Variants in ELMO2 observed in about 807,000 individuals in gnomAD.
The protein encoded by ELMO2 is engulfment and cell motility 2.
In ELMO2, 37 loss-of-function variants were observed where a neutral mutation model predicts 96.2. The ratio of observed to expected loss-of-function variants is 0.38; its 90% CI spans 0.30 to 0.51. ELMO2 has a LOEUF of 0.51. Ranked by LOEUF, ELMO2 falls within the 20% of genes least tolerant of loss-of-function variation. The pLI, the probability that ELMO2 is intolerant of heterozygous loss-of-function variation, is 0.88. For synonymous variants in ELMO2, 315 were observed against 329.4 expected, an observed-to-expected ratio of 0.96 and a Z score of 0.47; for missense variants, 561 against 912.6, an observed-to-expected ratio of 0.61 and a Z score of 4.96.
At chr20:46,393,450 G>A (rs1281506525) in intron 5 of ELMO2, 79 bp downstream of exon 5, 1 of 1,464,070 alleles carries the variant, frequency 6.8e-7, no homozygotes, top group East Asian at 2.3e-5. Context: ...GATGCTGAGT[G>A]AAGATAAATA....
Position 46,383,455 on chromosome 20 carries a change from A to C in ELMO2, c.717T>G (p.Ile239Met), listed in dbSNP as rs2059991519. 3 of 1,614,008 alleles carry C rather than the reference A, an allele frequency of 1.9e-6. No individual in the cohort carries two copies. The highest frequency in any genetic ancestry group is 1.7e-6 in the Non-Finnish European group (2 of 1,180,008). ...QEIQTYAIAL[I>M]NALFLKAPED... ...CAGGAGCCTTCAGAAAAAGTGCATT[A>C]ATCAGTGCAATGGCGTAGGTCTGAA... Residue 239 changes from isoleucine (I) to methionine (M), a missense_variant, in exon 10 of 22, where the codon ATT becomes ATG. Ile to Met is a conservative substitution (Grantham distance 10). Transcript: ENST00000290246.
At position 46,374,539 on chromosome 20, in the gene ELMO2, G is replaced by C. The variant is rs750012831; in HGVS notation, c.1167C>G (p.Ile389Met). Reference protein sequence around the residue: ...YLAKVHQDTYIRIVLENSSRE... With the variant: ...YLAKVHQDTYMRIVLENSSRE... ...AGGCCAGCTCCCCTGCCTTTACCCG[G>C]ATGTAGGTGTCCTGGTGGACTTTAG... The change falls in exon 14 of 22, where the codon ATC becomes ATG. Residue 389 changes from isoleucine to methionine, a missense_variant. Coordinates refer to ENST00000290246, the MANE Select transcript of ELMO2 (RefSeq NM_133171.5). 6.2e-7 allele frequency: 1 copy of C among 1,614,168 alleles called. No individual in the cohort carries two copies. The highest frequency in any genetic ancestry group is 1.1e-5 in the South Asian group (1 of 91,080).
intron 6 of ELMO2, among the ~76,000 whole-genome samples, chr20:46,389,730 T>A (rs1382375814): frequency 6.6e-6 from 1 of 152,054 alleles, no homozygotes; most frequent in Non-Finnish European, 1.5e-5. Flanking sequence ...ACACCTGTAG[T>A]CCTAGCTACT....
At position 46,366,314 on chromosome 20, in the gene ELMO2, T is replaced by C. The variant is rs1222815914; in HGVS notation, c.*1046A>G. 6.5e-6 allele frequency: 1 copy of C among 152,678 alleles called. No homozygotes were observed. Among genetic ancestry groups the C allele is most frequent in the East Asian group, 1.9e-4 (1 of 5,206 alleles). 9.5% of individuals were successfully genotyped at this position (152,678 alleles called of 1,614,324 possible). On this transcript the variant is annotated 3_prime_UTR_variant, in exon 22 of 22. Transcript: ENST00000290246. The stretch of plus-strand genomic sequence containing the variant: ...ACCTACCATGCCAGGCCACCAATAC[T>C]GAATGCCAATGTGCTAACGTATGTC...
chr20:46,371,291 A>G lies in ELMO2; in HGVS notation c.1801+61T>C. 1 of 1,518,964 alleles carries G rather than the reference A, an allele frequency of 6.6e-7. No homozygotes were observed. The highest frequency in any genetic ancestry group is 1.1e-5 in the South Asian group (1 of 87,682). 94.1% of individuals were successfully genotyped at this position (1,518,964 alleles called of 1,614,324 possible). ...ATGATCAGCTACAAACAGCTGGACTAGAACTCCTGTCTCCTGACAAGTCCA... is the reference window on the plus strand; with the variant it reads ...ATGATCAGCTACAAACAGCTGGACTGGAACTCCTGTCTCCTGACAAGTCCA... On this transcript the variant is annotated intron_variant, in intron 19 of 21. Transcript: ENST00000290246. The surrounding 1 kb of genome is among the most constrained non-coding windows in gnomAD (Gnocchi z 5.9).
At chr20:46,394,249 C>A (rs1247562040) in intron 3 of ELMO2, among the ~76,000 whole-genome samples, 156 bp downstream of exon 3, 1 of 152,232 alleles carries the variant, frequency 6.6e-6, no homozygotes, top group Non-Finnish European at 1.5e-5. Flanking sequence ...GCCATGGTGA[C>A]CGACCTTCCC....
Position 46,368,885 on chromosome 20 carries a change from G to A in ELMO2, c.1962+6C>T, listed in dbSNP as rs761918217. ...CTGTTGTCTAAGGCAGCGCCACACT[G>A]CTCACCTCATATTTATTAGGTGCGA... On this transcript the variant is annotated splice_donor_region_variant and intron_variant, in intron 21 of 21. Transcript: ENST00000290246. 1.9e-6 allele frequency: 3 copies of A among 1,613,960 alleles called. No homozygotes were observed. The highest frequency in any genetic ancestry group is 2.5e-6 in the Non-Finnish European group (3 of 1,179,842).
chr20:46,389,823 C>T (rs2754500), intron 6 of ELMO2, among the ~76,000 whole-genome samples: 151,382 of 152,234 alleles, frequency 0.99, 75,271 homozygotes, highest in Middle Eastern at 1. Context: ...CACTGCAGCC[C>T]GGGTAACAGA....
intron 1 of ELMO2, among the ~76,000 whole-genome samples, 188 bp from the exon 2 acceptor site, chr20:46,398,959 T>G (rs1294670759): frequency 6.6e-6 from 1 of 152,234 alleles, no homozygotes; most frequent in Non-Finnish European, 1.5e-5. Flanking sequence ...GGCACTATTT[T>G]AAGGGCTTTA....
chr20:46,400,098 A>C (rs2060311085), intron 1 of ELMO2, among the ~76,000 whole-genome samples: 1 of 152,202 alleles, frequency 6.6e-6, no homozygotes, highest in Non-Finnish European at 1.5e-5. Context: ...TGATCATGTC[A>C]CTGAACTCTA....
At chr20:46,393,250 CTG>C (rs2060184530) in intron 5 of ELMO2, 107 bp from the exon 6 acceptor site, 1 of 1,158,958 alleles carries the variant, frequency 8.6e-7, no homozygotes, top group Non-Finnish European at 1.3e-6. Context: ...GTAGATGTAA[CTG>C]AGGATCTTCA....
intron 21 of ELMO2, 141 bp from the exon 22 acceptor site, chr20:46,367,701 A>T (rs1219625456): frequency 7.6e-6 from 4 of 523,356 alleles, no homozygotes; most frequent in Non-Finnish European, 1.3e-5. Context: ...GAATGATAGC[A>T]AAGATAAATT....
intron 2 of ELMO2, among the ~76,000 whole-genome samples, chr20:46,395,739 A>G (rs2754501): frequency 0.99 from 151,609 of 152,376 alleles, 75,426 homozygotes; most frequent in Middle Eastern, 1. Context: ...TCCTAGTCAG[A>G]ATGGGATGCT....
chr20:46,382,205 C>T (rs1316553873), intron 10 of ELMO2: 2 of 1,289,714 alleles, frequency 1.6e-6, no homozygotes, highest in African/African-American at 1.5e-5. Context: ...GTGCTACTTA[C>T]AGTGACAGGC....
Position 46,373,383 on chromosome 20 carries a change from GC to G in ELMO2, c.1416+15del, listed in dbSNP as rs1301718045. ...GTCTCCTCCCGTGGGCCTCAGAGCA[GC>G]CCGGAGACACTGACCTTGTTGAAGT... On this transcript the variant is annotated intron_variant, in intron 16 of 21. Coordinates refer to ENST00000290246, the MANE Select transcript of ELMO2 (RefSeq NM_133171.5). 10 of 1,613,962 alleles carry G rather than the reference GC, an allele frequency of 6.2e-6. No individual in the cohort carries two copies. The highest frequency in any genetic ancestry group is 1.3e-5 in the African/African-American group (1 of 74,930).
chr20:46,377,065 T>C (rs2059874216), intron 11 of ELMO2: 1 of 273,194 alleles, frequency 3.7e-6, no homozygotes, highest in Admixed American at 5.0e-5. Context: ...AGTATCTTTT[T>C]AAAGCTCCTT....
At chr20:46,383,073 A>C (rs1028495378) in intron 10 of ELMO2, among the ~76,000 whole-genome samples, 2 of 152,156 alleles carry the variant, frequency 1.3e-5, no homozygotes, top group African/African-American at 4.8e-5. Context: ...ATACCCATTC[A>C]TTTACCTACT....
chr20:46,396,001 CT>C (rs1182302055), intron 2 of ELMO2, among the ~76,000 whole-genome samples: 1 of 152,248 alleles, frequency 6.6e-6, no homozygotes, highest in Non-Finnish European at 1.5e-5. Flanking sequence ...ATGCTTTCCC[CT>C]TTTCCTTTGA....
chr20:46,390,949 G>C (rs550124258), intron 6 of ELMO2: 14 of 152,342 alleles, frequency 9.2e-5, no homozygotes, highest in African/African-American at 3.4e-4. Flanking sequence ...AGAACAATCT[G>C]AAGAGCACTG....
Sources: allele counts gnomAD v4.1 joint callset (sites outside exome capture counted in the v4.1 genomes callset), GRCh38; gene constraint gnomAD v4.1.1; non-coding constraint Gnocchi (gnomAD v3.1); transcripts MANE v1.5; gene names NCBI Gene and HGNC (gene_info 2026-07-23, HGNC 2026-07-21).